The following SRGAP1 variants were observed in gnomAD, a reference collection of about 807,000 sequenced individuals.
SRGAP1 encodes SLIT-ROBO Rho GTPase-activating protein 1.
Under a neutral mutation model 121.9 loss-of-function variants are expected in SRGAP1, and 43 were observed. The observed-to-expected ratio is 0.35, with a 90% CI of 0.28 to 0.46. The LOEUF (loss-of-function observed/expected upper bound fraction) is 0.46. SRGAP1 is among the 20% of genes least tolerant of loss of function. The pLI is 1.00. For synonymous variants in SRGAP1, 447 were observed against 485.4 expected (o/e 0.92, Z 1.04); for missense variants, 1,102 against 1,350.9 (o/e 0.82, Z 2.89).
intron 18 of SRGAP1, among the ~76,000 whole-genome samples, chr12:64,124,978 G>T (rs2036664902): frequency 6.6e-6 from 1 of 151,976 alleles, no homozygotes; most frequent in Admixed American, 6.6e-5. Flanking sequence ...GCACTCCTTT[G>T]TGTGTGTGTT....
intron 1 of SRGAP1, among the ~76,000 whole-genome samples, chr12:63,890,995 G>T (rs1436919260): frequency 6.6e-6 from 1 of 152,198 alleles, no homozygotes. Flanking sequence ...AGGAGGTAAT[G>T]GCCCTGCCTA....
chr12:64,090,618 T>G (rs2036033718), intron 11 of SRGAP1, among the ~76,000 whole-genome samples: 1 of 152,134 alleles, frequency 6.6e-6, no homozygotes, highest in Non-Finnish European at 1.5e-5. Context: ...GGTGGAAGGA[T>G]CTTTTGAGCC....
chr12:63,947,488 C>T (rs796440862), intron 1 of SRGAP1, among the ~76,000 whole-genome samples: 10 of 152,154 alleles, frequency 6.6e-5, no homozygotes, highest in Non-Finnish European at 8.8e-5. Context: ...TATGGTGTTA[C>T]GAAATGGTTT....
At chr12:63,989,189 G>T (rs978058009) in intron 2 of SRGAP1, among the ~76,000 whole-genome samples, 5 of 152,128 alleles carry the variant, frequency 3.3e-5, no homozygotes, top group Admixed American at 6.6e-5. Flanking sequence ...TATTCTTTAA[G>T]ATTTTTAAAC....
At chr12:63,938,954 A>C (rs1287752899) in intron 1 of SRGAP1, among the ~76,000 whole-genome samples, 1 of 151,804 alleles carries the variant, frequency 6.6e-6, no homozygotes, top group African/African-American at 2.4e-5. Flanking sequence ...CAGGAGTTCA[A>C]GACCAGCCTG....
intron 1 of SRGAP1, among the ~76,000 whole-genome samples, chr12:63,959,869 G>C (rs2032586845): frequency 1.3e-5 from 2 of 152,186 alleles, no homozygotes; most frequent in Non-Finnish European, 2.9e-5. Context: ...TGGAACCCAG[G>C]TGTGTGAGAT....
chr12:63,971,728 T>G (rs1051428496), intron 1 of SRGAP1, among the ~76,000 whole-genome samples: 3 of 152,054 alleles, frequency 2.0e-5, no homozygotes, highest in African/African-American at 7.2e-5. Flanking sequence ...TGAAAAATCT[T>G]AAAAGGTGTG....
intron 1 of SRGAP1, among the ~76,000 whole-genome samples, chr12:63,900,742 G>T (rs1479280716): frequency 6.6e-6 from 1 of 152,076 alleles, no homozygotes; most frequent in East Asian, 1.9e-4. Flanking sequence ...GAACCTGCAG[G>T]CAGAGGCTTG....
chr12:63,949,670 G>A (rs147762847), intron 1 of SRGAP1, among the ~76,000 whole-genome samples: 3,347 of 151,814 alleles, frequency 0.022, 115 homozygotes, highest in African/African-American at 0.075. Flanking sequence ...CTCGTGATCC[G>A]CCCGCCTCGG....
At chr12:64,133,825 CA>C (rs1432428684) in intron 21 of SRGAP1, among the ~76,000 whole-genome samples, 4 of 152,214 alleles carry the variant, frequency 2.6e-5, no homozygotes, top group African/African-American at 9.6e-5. Context: ...AGTAGGAATG[CA>C]GTAGGCTTCC....
At chr12:63,984,295 T>C (rs2033354674) in intron 2 of SRGAP1, among the ~76,000 whole-genome samples, 153 bp downstream of exon 2, 1 of 152,214 alleles carries the variant, frequency 6.6e-6, no homozygotes, top group African/African-American at 2.4e-5. Flanking sequence ...TTGTAACTTA[T>C]GGGCATCAGT....
At chr12:63,901,583 C>T (rs745946753) in intron 1 of SRGAP1, among the ~76,000 whole-genome samples, 9 of 152,196 alleles carry the variant, frequency 5.9e-5, no homozygotes, top group African/African-American at 9.6e-5. Flanking sequence ...CCATCATTGA[C>T]GTCACAACAG....
rs536395303 is a variant in SRGAP1 at position 64,026,419 on chromosome 12, G to A, written c.489+9407G>A. ...GACCAATAGAAATGTAAAAAATCAT[G>A]TAAAGGAAATCAAGCTCTAAATCAG... On this transcript the variant is annotated intron_variant, in intron 4 of 21. Transcript: ENST00000355086. Among the ~76,000 whole-genome samples the A allele has an allele frequency of 5.3e-5, 8 of 152,290 alleles. No individual in the cohort carries two copies. In the South Asian group the frequency reaches 8.3e-4, roughly 16 times the overall value.
chr12:63,998,244 TAATG>T (rs2033770708), intron 3 of SRGAP1, among the ~76,000 whole-genome samples: 1 of 152,182 alleles, frequency 6.6e-6, no homozygotes, highest in Non-Finnish European at 1.5e-5. Context: ...AATGAATAAG[TAATG>T]AATAAAGATT....
At chr12:64,062,437 AG>A (rs1316900422) in intron 6 of SRGAP1, among the ~76,000 whole-genome samples, 2 of 152,292 alleles carry the variant, frequency 1.3e-5, no homozygotes, top group East Asian at 3.9e-4. Context: ...TCTAGATATA[AG>A]TACCTAATAA....
intron 1 of SRGAP1, among the ~76,000 whole-genome samples, chr12:63,976,885 A>G (rs1461865488): frequency 6.6e-6 from 1 of 152,154 alleles, no homozygotes; most frequent in Non-Finnish European, 1.5e-5. Flanking sequence ...TCTCCTACCC[A>G]TCCAGAATTC....
chr12:64,013,800 G>A (rs2136459861), intron 3 of SRGAP1, among the ~76,000 whole-genome samples: 1 of 152,266 alleles, frequency 6.6e-6, no homozygotes, highest in African/African-American at 2.4e-5. Context: ...ACATGGCAAG[G>A]GAATATGGAT....
chr12:64,116,060 G>C (rs938341309), intron 18 of SRGAP1, 167 bp downstream of exon 18: 38 of 588,158 alleles, frequency 6.5e-5, no homozygotes, highest in Middle Eastern at 8.9e-4. Context: ...TTCAACACCA[G>C]CCTGTGCAAC....
At chr12:63,876,043 T>C (rs1900019447) in intron 1 of SRGAP1, among the ~76,000 whole-genome samples, 1 of 152,306 alleles carries the variant, frequency 6.6e-6, no homozygotes, top group East Asian at 1.9e-4. Flanking sequence ...GAGTAATGCA[T>C]TTTTTAAAAA....
Sources: gnomAD v4.1 joint callset for allele counts (sites outside exome capture counted in the v4.1 genomes callset) on GRCh38, gnomAD v4.1.1 for gene constraint, MANE v1.5 for transcripts, NCBI Gene and HGNC (gene_info 2026-07-23, HGNC 2026-07-21) for gene names.